IQGAP2: variants seen among roughly 807,000 people sequenced by gnomAD.
IQGAP2 encodes IQ motif containing GTPase activating protein 2.
A neutral mutation model predicts 201.3 loss-of-function variants in IQGAP2; 173 were observed. The ratio of observed to expected loss-of-function variants is 0.86; its 90% CI spans 0.76 to 0.98. The LOEUF (loss-of-function observed/expected upper bound fraction) is 0.98. Ranked by LOEUF, IQGAP2 falls within the 50% of genes least tolerant of loss-of-function variation. The pLI is 0.00. For synonymous variants in IQGAP2, 675 were observed against 673.9 expected (o/e 1.00, Z -0.03); for missense variants, 1,687 against 1,864.8 (o/e 0.90, Z 1.76).
chr5:76,700,986 A>G, intron 33 of IQGAP2, 90 bp from the exon 34 acceptor site: 1 of 1,363,078 alleles, frequency 7.3e-7, no homozygotes. Flanking sequence ...AGGTATGAAC[A>G]GCGATGTCAC....
intron 5 of IQGAP2, among the ~76,000 whole-genome samples, chr5:76,579,035 T>A (rs1745658803): frequency 6.6e-6 from 1 of 152,096 alleles, no homozygotes; most frequent in Admixed American, 6.5e-5. Flanking sequence ...GTTTAAACAG[T>A]CATAAAAGTG....
At chr5:76,419,546 C>T (rs1311206492) in intron 1 of IQGAP2, among the ~76,000 whole-genome samples, 2 of 152,136 alleles carry the variant, frequency 1.3e-5, no homozygotes, top group African/African-American at 4.8e-5. Context: ...CCACGTTGGC[C>T]AGGCTGGTCT....
In IQGAP2 at chr5:76,618,204, G is replaced by C. The variant is rs144692113; in HGVS notation, c.1521+7021G>C. 1 of 1,614,062 alleles carries C rather than the reference G, an allele frequency of 6.2e-7. No homozygotes were observed. The highest frequency in any genetic ancestry group is 8.5e-7 in the Non-Finnish European group (1 of 1,180,040). ...GTTGCCATAGAAGATGACTGTGGTG[G>C]CCCGGCACAGGACCTCTCCAAATAC... On this transcript the variant is annotated intron_variant, in intron 13 of 35. Transcript: ENST00000274364.
chr5:76,479,422 G>C (rs1003259224), intron 2 of IQGAP2, among the ~76,000 whole-genome samples: 3 of 152,054 alleles, frequency 2.0e-5, no homozygotes, highest in African/African-American at 4.8e-5. Context: ...ATTCTCAATT[G>C]CATGGATCGC....
chr5:76,584,223 T>C (rs1228681463), intron 5 of IQGAP2, among the ~76,000 whole-genome samples: 1 of 152,046 alleles, frequency 6.6e-6, no homozygotes, highest in Non-Finnish European at 1.5e-5. Context: ...ATTAAATGAA[T>C]GAATGGATAA....
chr5:76,447,239 C>T (rs575577397), intron 1 of IQGAP2, among the ~76,000 whole-genome samples: 4 of 152,280 alleles, frequency 2.6e-5, no homozygotes, highest in South Asian at 4.1e-4. Flanking sequence ...CCTTTAAACA[C>T]GAGGCTTGCA....
intron 1 of IQGAP2, among the ~76,000 whole-genome samples, chr5:76,416,743 GTC>G (rs1363091177): frequency 2.6e-5 from 4 of 152,182 alleles, no homozygotes; most frequent in Non-Finnish European, 4.4e-5. Context: ...GGCCAGGCTG[GTC>G]TCAAACTCCT....
At chr5:76,509,483 G>T (rs995258230) in intron 2 of IQGAP2, among the ~76,000 whole-genome samples, 2 of 150,934 alleles carry the variant, frequency 1.3e-5, no homozygotes, top group Non-Finnish European at 2.9e-5. Flanking sequence ...TGCAAGCTCC[G>T]CCTCCCGGTT....
At chr5:76,705,008 G>A (rs1169141426) in intron 35 of IQGAP2, among the ~76,000 whole-genome samples, 1 of 152,088 alleles carries the variant, frequency 6.6e-6, no homozygotes, top group Admixed American at 6.5e-5. Flanking sequence ...ATAATTATAG[G>A]CCATATAGGT....
chr5:76,482,999 G>C, intron 2 of IQGAP2, among the ~76,000 whole-genome samples: 1 of 152,106 alleles, frequency 6.6e-6, no homozygotes, highest in East Asian at 1.9e-4. Flanking sequence ...AAAATTAAGC[G>C]CTACATTGCT....
At chr5:76,431,295 C>T (rs921215451) in intron 1 of IQGAP2, among the ~76,000 whole-genome samples, 1 of 151,720 alleles carries the variant, frequency 6.6e-6, no homozygotes, top group African/African-American at 2.4e-5. Context: ...TTTTAAAATA[C>T]ATTAAATTTA....
intron 1 of IQGAP2, among the ~76,000 whole-genome samples, chr5:76,444,836 CATAGACT>C (rs1753279530): frequency 6.6e-6 from 1 of 152,070 alleles, no homozygotes. Context: ...TGGGTTTTTT[CATAGACT>C]ATCGGCTTAA....
At chr5:76,567,743 T>A (rs2150265141) in intron 3 of IQGAP2, among the ~76,000 whole-genome samples, 1 of 152,328 alleles carries the variant, frequency 6.6e-6, no homozygotes, top group East Asian at 1.9e-4. Context: ...ATAATGTTAT[T>A]TGTTTCTAAA....
intron 2 of IQGAP2, among the ~76,000 whole-genome samples, chr5:76,539,305 A>G (rs1186446906): frequency 6.6e-6 from 1 of 152,126 alleles, no homozygotes; most frequent in Non-Finnish European, 1.5e-5. Flanking sequence ...CTCTGCTTGC[A>G]TGTGGCTCCC....
intron 12 of IQGAP2, among the ~76,000 whole-genome samples, chr5:76,609,942 G>A (rs999929249): frequency 9.4e-5 from 14 of 149,170 alleles, no homozygotes; most frequent in African/African-American, 3.5e-4. Context: ...AAGGTATTGA[G>A]AAGTAACCTC....
chr5:76,629,364 A>T (rs114991637), intron 14 of IQGAP2, among the ~76,000 whole-genome samples: 11 of 152,218 alleles, frequency 7.2e-5, no homozygotes, highest in African/African-American at 2.7e-4. Flanking sequence ...ACACTCTCAG[A>T]TAATATGATA....
Position 76,611,071 on chromosome 5 carries a change from T to C in IQGAP2, c.1409T>C (p.Leu470Ser), listed in dbSNP as rs1748362567. 10 of 1,613,958 alleles carry C rather than the reference T, an allele frequency of 6.2e-6. No individual in the cohort carries two copies. In the East Asian group the frequency reaches 2.2e-4, roughly 36 times the overall value. ...INEAIDEGNPLRTLETLLLPT... is the reference protein window; with the variant it reads ...INEAIDEGNPSRTLETLLLPT... ...GAAGCTATTGATGAAGGGAATCCTT[T>C]GAGGACTTTAGAAACTTTGCTCCTA... Residue 470 changes from leucine (L) to serine (S), a missense_variant, in exon 13 of 36, where the codon TTG becomes TCG. Leu to Ser is a moderately radical substitution (Grantham distance 145, BLOSUM62 -2). Coordinates refer to ENST00000274364, the MANE Select transcript of IQGAP2 (RefSeq NM_006633.5).
intron 32 of IQGAP2, among the ~76,000 whole-genome samples, chr5:76,696,583 GA>G (rs113011640): frequency 0.011 from 1,659 of 148,402 alleles, 37 homozygotes; most frequent in African/African-American, 0.037. Context: ...TAAATGACCA[GA>G]AAAAAAAAAA....
chr5:76,674,323 C>A (rs1353152406), intron 26 of IQGAP2, among the ~76,000 whole-genome samples, 154 bp from the exon 27 acceptor site: 3 of 151,894 alleles, frequency 2.0e-5, no homozygotes, highest in African/African-American at 7.3e-5. Context: ...ATATTCATTG[C>A]CTTTATTAAA....
Sources: gnomAD v4.1 joint callset for allele counts (sites outside exome capture counted in the v4.1 genomes callset) on GRCh38, gnomAD v4.1.1 for gene constraint, MANE v1.5 for transcripts, NCBI Gene and HGNC (gene_info 2026-07-23, HGNC 2026-07-21) for gene names.